Variants in ASH1L observed in about 807,000 individuals in gnomAD.
ASH1L encodes histone-lysine N-methyltransferase ASH1L.
ASH1L carries 23 observed loss-of-function variants against 269.0 expected under a neutral mutation model. The observed-to-expected ratio is 0.09, with a 90% CI of 0.06 to 0.12. The LOEUF (loss-of-function observed/expected upper bound fraction) is 0.12, where lower values mean the gene tolerates loss of function less well. Among genes scored for constraint, ASH1L ranks in the 10% least tolerant of loss-of-function variants. The pLI is 1.00. For synonymous variants in ASH1L, 1,187 were observed against 1,253.5 expected, an observed-to-expected ratio of 0.95 and a Z score of 1.12; for missense variants, 2,912 against 3,567.8, an observed-to-expected ratio of 0.82 and a Z score of 4.68.
chr1:155,433,533 C>T, intron 5 of ASH1L: 1 of 1,610,390 alleles, frequency 6.2e-7, no homozygotes, highest in Non-Finnish European at 8.5e-7. Context: ...TGCACCGTCC[C>T]CCCTGGTGCC....
At chr1:155,562,071 G>A in intron 1 of ASH1L, 82 bp downstream of exon 1, 2 of 945,308 alleles carry the variant, frequency 2.1e-6, no homozygotes, top group Non-Finnish European at 3.2e-6. Flanking sequence ...TCCGGGAGAT[G>A]ACAGTGGCTC....
chr1:155,379,921 A>G, intron 8 of ASH1L, 122 bp downstream of exon 8: 1 of 694,952 alleles, frequency 1.4e-6, no homozygotes, highest in Non-Finnish European at 2.5e-6. Flanking sequence ...TAACCTTCAC[A>G]GGGACACTTC....
intron 19 of ASH1L, among the ~76,000 whole-genome samples, chr1:155,348,237 C>T (rs1197949815): frequency 2.0e-5 from 3 of 152,132 alleles, no homozygotes; most frequent in Non-Finnish European, 4.4e-5. Context: ...GTTCAACATA[C>T]ACCTTTGTCT....
At chr1:155,426,313 ACCTG>A (rs1213958437) in intron 5 of ASH1L, among the ~76,000 whole-genome samples, 1 of 150,938 alleles carries the variant, frequency 6.6e-6, no homozygotes, top group East Asian at 2.0e-4. Flanking sequence ...CAAGCAATCC[ACCTG>A]CCTTGGCCTC....
At chr1:155,552,033 A>C (rs1037034772) in intron 1 of ASH1L, among the ~76,000 whole-genome samples, 4 of 152,344 alleles carry the variant, frequency 2.6e-5, no homozygotes, top group Non-Finnish European at 5.9e-5. Context: ...ACAGTATGTT[A>C]TATCAGTACT....
intron 1 of ASH1L, among the ~76,000 whole-genome samples, chr1:155,527,849 G>C (rs1426122355): frequency 6.6e-6 from 1 of 151,774 alleles, no homozygotes; most frequent in Admixed American, 6.6e-5. Context: ...CCCAGCTCTG[G>C]GACTCCTCTC....
At chr1:155,540,006 C>A (rs1385290040) in intron 1 of ASH1L, among the ~76,000 whole-genome samples, 1 of 151,818 alleles carries the variant, frequency 6.6e-6, no homozygotes, top group East Asian at 1.9e-4. Flanking sequence ...GAGGTCAAGG[C>A]TACAGTGAGC....
At chr1:155,390,642 C>A (rs202139840) in intron 7 of ASH1L, among the ~76,000 whole-genome samples, 1,899 of 138,812 alleles carry the variant, frequency 0.014, 71 homozygotes, top group African/African-American at 0.045. Flanking sequence ...TCCCCCCCCC[C>A]CCTTTTTTCT....
chr1:155,534,528 C>G (rs1669917691), intron 1 of ASH1L, among the ~76,000 whole-genome samples: 2 of 151,806 alleles, frequency 1.3e-5, no homozygotes, highest in African/African-American at 2.4e-5. Flanking sequence ...AGTTATATAT[C>G]AAGAACTGGA....
chr1:155,480,087 T>C lies in ASH1L; in HGVS notation c.2783A>G (p.Asn928Ser). 1 of 1,614,160 alleles carries C rather than the reference T, an allele frequency of 6.2e-7. No individual in the cohort carries two copies. Among genetic ancestry groups the C allele is most frequent in the African/African-American group, 1.3e-5 (1 of 75,050 alleles). ...SPSKLESESD[N>S]HRSSSDFFES... is the part of the protein sequence containing the mutation. ...AAAGAAATCACTGCTACTTCTATGG[T>C]TGTCACTTTCAGATTCTAGCTTGCT... The change falls in exon 3 of 28, where the codon AAC (asparagine) becomes AGC (serine). Residue 928 changes from asparagine to serine, a missense_variant. Asn to Ser is a conservative substitution (Grantham distance 46, BLOSUM62 1). Coordinates refer to ENST00000392403, the MANE Select transcript of ASH1L (RefSeq NM_018489.3).
Position 155,392,945 on chromosome 1 carries a change from C to T in ASH1L, c.6103+2514G>A, listed in dbSNP as rs574514859. On this transcript the variant is annotated intron_variant, in intron 7 of 27. Coordinates refer to ENST00000392403, the MANE Select transcript of ASH1L (RefSeq NM_018489.3). ...TCAAGGGATCCGCCCACCTCAGCCT[C>T]CCAAAGTGCTGGGATTACAAGTGTG... is the stretch of plus-strand genomic sequence containing the variant. 1.0e-3 allele frequency among the ~76,000 whole-genome samples: 159 copies of T among 152,136 alleles called. 1 individual carries two copies. Among genetic ancestry groups the T allele is most frequent in the African/African-American group, 3.7e-3 (154 of 41,522 alleles).
chr1:155,527,745 T>C (rs753631581), intron 1 of ASH1L, among the ~76,000 whole-genome samples: 1 of 151,980 alleles, frequency 6.6e-6, no homozygotes, highest in Non-Finnish European at 1.5e-5. Context: ...AGGGTCTCAC[T>C]AGGTTGCCCA....
At chr1:155,421,101 T>G (rs1660637663) in intron 5 of ASH1L, among the ~76,000 whole-genome samples, 1 of 151,508 alleles carries the variant, frequency 6.6e-6, no homozygotes, top group African/African-American at 2.4e-5. Context: ...TAGCCAGGTG[T>G]GATGGCTTAC....
intron 1 of ASH1L, among the ~76,000 whole-genome samples, chr1:155,543,024 G>A (rs1459198444): frequency 1.3e-5 from 2 of 151,828 alleles, no homozygotes; most frequent in East Asian, 3.9e-4. Context: ...TATTTTAACG[G>A]CACTGTGTGG....
intron 1 of ASH1L, among the ~76,000 whole-genome samples, chr1:155,531,714 C>T (rs1172656509): frequency 6.6e-6 from 1 of 152,038 alleles, no homozygotes; most frequent in African/African-American, 2.4e-5. Flanking sequence ...GAAAAACGAA[C>T]AGTATGCTTA....
At chr1:155,428,001 A>G (rs1358388885) in intron 5 of ASH1L, among the ~76,000 whole-genome samples, 1 of 152,146 alleles carries the variant, frequency 6.6e-6, no homozygotes, top group Non-Finnish European at 1.5e-5. Flanking sequence ...CATGACTGTA[A>G]GTTTCCTGAA....
chr1:155,527,098 C>T (rs1558193859), intron 1 of ASH1L, among the ~76,000 whole-genome samples: 2 of 152,058 alleles, frequency 1.3e-5, no homozygotes, highest in Non-Finnish European at 2.9e-5. Context: ...ATCCCAGCTA[C>T]TCAGGAGGCT....
At chr1:155,369,401 C>T (rs181805074) in intron 12 of ASH1L, among the ~76,000 whole-genome samples, 6 of 151,512 alleles carry the variant, frequency 4.0e-5, no homozygotes, top group Non-Finnish European at 7.4e-5. Flanking sequence ...GAGCTGAGAT[C>T]GCGCCACTGC....
At chr1:155,471,773 T>C (rs1424560259) in intron 3 of ASH1L, among the ~76,000 whole-genome samples, 1 of 152,282 alleles carries the variant, frequency 6.6e-6, no homozygotes, top group African/African-American at 2.4e-5. Context: ...TGCAAATTTT[T>C]AGCAGGCCAG....
Sources: gnomAD v4.1 joint callset for allele counts (sites outside exome capture counted in the v4.1 genomes callset) on GRCh38, gnomAD v4.1.1 for gene constraint, MANE v1.5 for transcripts, NCBI Gene and HGNC (gene_info 2026-07-23, HGNC 2026-07-21) for gene names.